ERH: variants seen among roughly 807,000 people sequenced by gnomAD.
ERH encodes ERH mRNA splicing and mitosis factor.
ERH carries 1 observed loss-of-function variant against 16.8 expected under a neutral mutation model. The observed-to-expected ratio is 0.06, with a 90% CI of 0.02 to 0.28. The LOEUF is 0.28. Ranked by LOEUF, ERH falls within the 10% of genes least tolerant of loss-of-function variation. ERH has a pLI of 1.00. For missense variants in ERH, 42 were observed against 127.5 expected (o/e 0.33, Z 3.23); for synonymous variants, 43 against 43.6 (o/e 0.99, Z 0.05).
At position 69,391,652 on chromosome 14, in the gene ERH, G is replaced by A. The variant is rs61982363; in HGVS notation, c.91+3173C>T. Among the ~76,000 whole-genome samples, 5 of 53,346 alleles carry A rather than the reference G, an allele frequency of 9.4e-5. No homozygotes were observed. In the Admixed American group the frequency reaches 1.6e-3, roughly 17 times the overall value. The allele number at this position is 53,346 out of a possible 152,430, so 35.0% of individuals were successfully genotyped here. ...GACAGAGTAAGACTCTGTCTCGCAC[G>A]CCAAAAAAAAAAAAAAAAAAAAAAA... On this transcript the variant is annotated intron_variant, in intron 2 of 3. Coordinates refer to ENST00000557016, the MANE Select transcript of ERH (RefSeq NM_004450.3).
In ERH at chr14:69,384,329, G is replaced by A. The variant is rs149143861; in HGVS notation, c.212+2634C>T. ...ACTTGATCCTCACAAGGAGTCTTAT[G>A]AACTAGATTTGTCTGAATTTTACAA... On this transcript the variant is annotated intron_variant, in intron 3 of 3. Transcript: ENST00000557016. Among the ~76,000 whole-genome samples the A allele has an allele frequency of 3.3e-4, 50 of 152,280 alleles. No individual in the cohort carries two copies. In the East Asian group the frequency reaches 5.4e-3, roughly 16 times the overall value.
At chr14:69,394,759 T>C in intron 2 of ERH, 66 bp downstream of exon 2, 4 of 1,209,930 alleles carry the variant, frequency 3.3e-6, no homozygotes, top group Non-Finnish European at 4.7e-6. Flanking sequence ...AAAAAAAAAT[T>C]TGGAGGGGAA....
rs751829073 is a variant in ERH, at chr14:69,381,947, G to A, written c.213-1307C>T. On this transcript the variant is annotated intron_variant, in intron 3 of 3. Coordinates refer to ENST00000557016, the MANE Select transcript of ERH (RefSeq NM_004450.3). ...CTCAAGTGATCCAGCCGCCTCGGCC[G>A]CCCAAAGTGCTGGGATTACAGGCGT... Among the ~76,000 whole-genome samples the A allele has an allele frequency of 2.6e-5, 4 of 152,142 alleles. No homozygotes were observed. In the East Asian group the frequency reaches 5.8e-4, roughly 22 times the overall value.
chr14:69,394,541 A>G lies in ERH; in HGVS notation c.91+284T>C, dbSNP rs147420789. Among the ~76,000 whole-genome samples the G allele has an allele frequency of 3.1e-3, 477 of 152,294 alleles. 4 individuals carry two copies. Among genetic ancestry groups the G allele is most frequent in the African/African-American group, 0.011 (463 of 41,560 alleles). On this transcript the variant is annotated intron_variant, in intron 2 of 3. Coordinates refer to ENST00000557016, the MANE Select transcript of ERH (RefSeq NM_004450.3). ...TGAACCTGGGGGGCGGAGGTTGCGT[A>G]AGCCGAGATCGCATTACTGCACTCC... is the stretch of plus-strand genomic sequence containing the variant.
chr14:69,388,496 G>A (rs1031476306), intron 2 of ERH, among the ~76,000 whole-genome samples: 3 of 151,972 alleles, frequency 2.0e-5, no homozygotes, highest in African/African-American at 7.3e-5. Context: ...AAGTAGCTGG[G>A]ATTACAGGCA....
chr14:69,390,582 A>T (rs904766231), intron 2 of ERH, among the ~76,000 whole-genome samples: 4 of 152,246 alleles, frequency 2.6e-5, no homozygotes, highest in African/African-American at 9.6e-5. Flanking sequence ...TAAGACCCAT[A>T]GAAAAAAATA....
intron 3 of ERH, among the ~76,000 whole-genome samples, chr14:69,381,178 G>A (rs1391167170): frequency 6.6e-6 from 1 of 152,180 alleles, no homozygotes; most frequent in Non-Finnish European, 1.5e-5. Flanking sequence ...CTACTCAGGA[G>A]GCTGAGGCAA....
intron 1 of ERH, 74 bp from the exon 2 acceptor site, chr14:69,394,986 T>C: frequency 9.6e-7 from 1 of 1,038,252 alleles, no homozygotes; most frequent in Non-Finnish European, 1.5e-6. Context: ...AAAATCCCCA[T>C]TTGTAATGCA....
At chr14:69,383,382 T>A (rs1398223407) in intron 3 of ERH, among the ~76,000 whole-genome samples, 1 of 152,230 alleles carries the variant, frequency 6.6e-6, no homozygotes, top group African/African-American at 2.4e-5. Context: ...ATAGAAACTA[T>A]GAGCACACAA....
At position 69,380,338 on chromosome 14, in the gene ERH, A is replaced by G; in HGVS notation, c.*200T>C. The G allele has an allele frequency of 9.5e-6, 4 of 421,908 alleles. No homozygotes were observed. Among genetic ancestry groups the G allele is most frequent in the Non-Finnish European group, 1.7e-5 (4 of 238,140 alleles). The allele number at this position is 421,908 out of a possible 1,614,324, so 26.1% of individuals were successfully genotyped here. On this transcript the variant is annotated 3_prime_UTR_variant, in exon 4 of 4. Coordinates refer to ENST00000557016, the MANE Select transcript of ERH (RefSeq NM_004450.3). ...ATAAAAATGTTTAAGTAAAAAAAAAAAAAGAAAGAGAAAGAAAAAGAGGAG... is the reference window on the plus strand; with the variant it reads ...ATAAAAATGTTTAAGTAAAAAAAAAGAAAGAAAGAGAAAGAAAAAGAGGAG...
chr14:69,385,570 C>G (rs567315555), intron 3 of ERH, among the ~76,000 whole-genome samples: 4 of 150,718 alleles, frequency 2.7e-5, no homozygotes, highest in African/African-American at 9.8e-5. Flanking sequence ...ACTTTTCCCA[C>G]TTAAAAAAAA....
At chr14:69,392,265 T>C (rs1178596431) in intron 2 of ERH, among the ~76,000 whole-genome samples, 1 of 151,382 alleles carries the variant, frequency 6.6e-6, no homozygotes, top group Non-Finnish European at 1.5e-5. Context: ...ATGTGAGAAC[T>C]TATTTAATAA....
At chr14:69,394,370 G>A (rs1014501117) in intron 2 of ERH, among the ~76,000 whole-genome samples, 2 of 151,800 alleles carry the variant, frequency 1.3e-5, no homozygotes, top group African/African-American at 2.4e-5. Context: ...CGGCCAAGGC[G>A]GATTACTTGA....
intron 2 of ERH, among the ~76,000 whole-genome samples, chr14:69,388,446 C>T (rs1220478101): frequency 2.0e-5 from 3 of 151,736 alleles, no homozygotes; most frequent in East Asian, 1.9e-4. Flanking sequence ...CTGCAACCTC[C>T]GCCTCCTGGG....
At chr14:69,392,948 T>C (rs762918808) in intron 2 of ERH, among the ~76,000 whole-genome samples, 1 of 152,128 alleles carries the variant, frequency 6.6e-6, no homozygotes, top group African/African-American at 2.4e-5. Context: ...TCTACATCAA[T>C]AGCAGGCAGA....
Position 69,380,711 on chromosome 14 carries a change from T to C in ERH, c.213-71A>G, listed in dbSNP as rs535840272. ...GCCAGGTGTTTAAATCCCCAAATTA[T>C]AACTGCCCAATGATGGCATAGATGT... is the stretch of plus-strand genomic sequence containing the variant. On this transcript the variant is annotated intron_variant, in intron 3 of 3. Coordinates refer to ENST00000557016, the MANE Select transcript of ERH (RefSeq NM_004450.3). 2.6e-5 allele frequency: 22 copies of C among 840,934 alleles called. No individual in the cohort carries two copies. In the African/African-American group the frequency reaches 3.3e-4, roughly 13 times the overall value. 52.1% of individuals were successfully genotyped at this position (840,934 alleles called of 1,614,324 possible).
chr14:69,388,812 C>G (rs1566900342), intron 2 of ERH, among the ~76,000 whole-genome samples: 2 of 152,148 alleles, frequency 1.3e-5, no homozygotes, highest in African/African-American at 2.4e-5. Context: ...TATACATAAG[C>G]CTTTTATTAG....
In ERH at chr14:69,390,001, C is replaced by T. The variant is rs529711102; in HGVS notation, c.92-2918G>A. Among the ~76,000 whole-genome samples the T allele has an allele frequency of 7.9e-5, 12 of 151,834 alleles. No homozygotes were observed. In the South Asian group the frequency reaches 1.0e-3, roughly 13 times the overall value. The stretch of plus-strand genomic sequence containing the variant: ...CTCAAACTCCTGGGCTCAAGCAATC[C>T]GCTCACCTTGGCCTCCCAAAGTCCT... On this transcript the variant is annotated intron_variant, in intron 2 of 3. Coordinates refer to ENST00000557016, the MANE Select transcript of ERH (RefSeq NM_004450.3).
At chr14:69,396,154 C>T (rs912806737) in intron 1 of ERH, among the ~76,000 whole-genome samples, 1 of 152,214 alleles carries the variant, frequency 6.6e-6, no homozygotes, top group African/African-American at 2.4e-5. Context: ...TAAATCCAGT[C>T]CCAAATCAAA....
Sources: allele counts gnomAD v4.1 joint callset (sites outside exome capture counted in the v4.1 genomes callset), GRCh38; gene constraint gnomAD v4.1.1; transcripts MANE v1.5; gene names NCBI Gene and HGNC (gene_info 2026-07-23, HGNC 2026-07-21).